The following SPTAN1 variants were observed in gnomAD, a reference collection of about 807,000 sequenced individuals.
SPTAN1 encodes the protein spectrin alpha, non-erythrocytic 1, also known as spectrin alpha chain, non-erythrocytic 1.
SPTAN1 carries 61 observed loss-of-function variants against 331.3 expected under a neutral mutation model. The observed-to-expected ratio is 0.18, with a 90% confidence interval of 0.15 to 0.23. SPTAN1 has a LOEUF of 0.23. Among genes scored for constraint, SPTAN1 ranks in the 10% least tolerant of loss-of-function variants. The probability of loss-of-function intolerance (pLI) is 1.00; values close to 1 mark genes in which losing one functional copy is unlikely to be tolerated. For synonymous variants in SPTAN1, 1,153 were observed against 1,173.9 expected (o/e 0.98, Z 0.36); for missense variants, 2,043 against 3,147.9 (o/e 0.65, Z 8.40).
chr9:128,630,051 G>A, intron 51 of SPTAN1: 1 of 617,026 alleles, frequency 1.6e-6, no homozygotes, highest in Non-Finnish European at 3.0e-6. Context: ...CTCCATTCCT[G>A]AGTCATCCTG....
At chr9:128,555,355 C>G in intron 1 of SPTAN1, 2 of 1,289,498 alleles carry the variant, frequency 1.6e-6, no homozygotes, top group Non-Finnish European at 2.0e-6. Flanking sequence ...TTAGACTCCA[C>G]ATTCCTCCAT....
intron 52 of SPTAN1, chr9:128,630,663 T>A (rs7852794): frequency 7.3e-6 from 3 of 409,432 alleles, no homozygotes; most frequent in Non-Finnish European, 4.6e-6. Flanking sequence ...CAAATAGCTG[T>A]ACTACAGATG....
At chr9:128,557,799 CTTTTTTTT>C (rs72214808) in intron 1 of SPTAN1, among the ~76,000 whole-genome samples, 1 of 85,006 alleles carries the variant, frequency 1.2e-5, no homozygotes, top group African/African-American at 4.5e-5. Flanking sequence ...TTAGAAATTT[CTTTTTTTT>C]TTTTTTTTTT....
chr9:128,614,360 G>T (rs1589337097), intron 40 of SPTAN1, among the ~76,000 whole-genome samples: 1 of 152,264 alleles, frequency 6.6e-6, no homozygotes, highest in East Asian at 1.9e-4. Flanking sequence ...GGGAGGCCGA[G>T]GCGGGTGGAT....
Position 128,566,887 on chromosome 9 carries a change from T to A in SPTAN1, c.147T>A (p.Phe49Leu). The change falls in exon 2 of 57, where the codon TTT (phenylalanine) becomes TTA (leucine). Residue 49 changes from phenylalanine to leucine, a missense_variant. Physicochemically the swap from Phe to Leu is conservative, Grantham distance 22. This residue lies in a region of SPTAN1 where 1,038 missense variants were observed against 1,531.5 expected (regional missense o/e 0.68). Transcript: ENST00000372739. Reference protein sequence around the residue: ...KLEDSYRFQFFQRDAEELEKW... With the variant: ...KLEDSYRFQFLQRDAEELEKW... ...AAGATTCCTATCGATTCCAGTTCTT[T>A]CAAAGAGATGCTGAAGAGCTGGAGA... The A allele has an allele frequency of 6.2e-7, 1 of 1,614,204 alleles. No homozygotes were observed. Among genetic ancestry groups the A allele is most frequent in the Non-Finnish European group, 8.5e-7 (1 of 1,180,034 alleles).
chr9:128,632,120 C>T lies in SPTAN1; in HGVS notation c.6763-7C>T, dbSNP rs587784439. On this transcript the variant is annotated splice_region_variant and splice_polypyrimidine_tract_variant and intron_variant, in intron 52 of 56. Transcript: ENST00000372739. ...CGTCTGAGCATCTGTGCTCCCCACCCCTGCAGCGCAAGCACCAGGAAATCC... is the reference window on the plus strand; with the variant it reads ...CGTCTGAGCATCTGTGCTCCCCACCTCTGCAGCGCAAGCACCAGGAAATCC... 5 of 1,612,780 alleles carry T rather than the reference C, an allele frequency of 3.1e-6. No homozygotes were observed. Among genetic ancestry groups the T allele is most frequent in the Non-Finnish European group, 4.2e-6 (5 of 1,179,896 alleles).
chr9:128,574,849 A>G (rs1292013080), intron 4 of SPTAN1, 34 bp downstream of exon 4: 2 of 1,613,826 alleles, frequency 1.2e-6, no homozygotes, highest in South Asian at 2.2e-5. Flanking sequence ...GCTAAGCTTT[A>G]CTCAAAGAAA....
chr9:128,581,996 G>T (rs1852005437), intron 12 of SPTAN1, 104 bp downstream of exon 12: 2 of 869,282 alleles, frequency 2.3e-6, no homozygotes, highest in Admixed American at 3.6e-5. Flanking sequence ...TTCATATGCA[G>T]AGTACTCCTG....
chr9:128,611,862 C>T lies in SPTAN1; in HGVS notation c.4905+17C>T, dbSNP rs1856604874. ...GCTGTCAAGGTATGGCCCACCAGCT[C>T]CCGGTGCCCAGGGAGGAAGATGACC... On this transcript the variant is annotated intron_variant, in intron 38 of 56. Transcript: ENST00000372739. 1 of 1,614,114 alleles carries T rather than the reference C, an allele frequency of 6.2e-7. No homozygotes were observed. The highest frequency in any genetic ancestry group is 1.7e-5 in the Admixed American group (1 of 60,022).
chr9:128,569,637 T>C (rs973218693), intron 3 of SPTAN1, among the ~76,000 whole-genome samples: 5 of 152,010 alleles, frequency 3.3e-5, no homozygotes, highest in African/African-American at 1.2e-4. Context: ...GTGTTCTCTT[T>C]GGTTCTTTGT....
chr9:128,577,982 T>C lies in SPTAN1; in HGVS notation c.1086-128T>C. ...CAGTCTAGATTGGGAAATTTTCATA[T>C]TTCCCAGAATTAGAATTTATATAGT... is the stretch of plus-strand genomic sequence containing the variant. On this transcript the variant is annotated intron_variant, in intron 8 of 56. Coordinates refer to ENST00000372739, the MANE Select transcript of SPTAN1 (RefSeq NM_001130438.3). This position sits in a 1 kb window ranked among gnomAD's most constrained non-coding sequence, Gnocchi z 4.2. 8.3e-7 allele frequency: 1 copy of C among 1,199,208 alleles called. No individual in the cohort carries two copies. The highest frequency in any genetic ancestry group is 1.2e-6 in the Non-Finnish European group (1 of 818,166). The allele number at this position is 1,199,208 out of a possible 1,614,324, so 74.3% of individuals were successfully genotyped here.
In SPTAN1 at chr9:128,571,165, C is replaced by A. The variant is rs142561856; in HGVS notation, c.363+2268C>A. Among the ~76,000 whole-genome samples the A allele has an allele frequency of 3.3e-3, 504 of 152,168 alleles. 2 individuals carry two copies. Among genetic ancestry groups the A allele is most frequent in the African/African-American group, 0.012 (487 of 41,504 alleles). ...ATTAGTGGGGCGTGGTGGTGCACAC[C>A]TGTAGCCCCAGCTACTGGGGAGGCT... is the stretch of plus-strand genomic sequence containing the variant. On this transcript the variant is annotated intron_variant, in intron 3 of 56. Coordinates refer to ENST00000372739, the MANE Select transcript of SPTAN1 (RefSeq NM_001130438.3).
chr9:128,598,271 C>T, intron 24 of SPTAN1, 129 bp from the exon 25 acceptor site: 2 of 732,032 alleles, frequency 2.7e-6, no homozygotes, highest in Non-Finnish European at 4.6e-6. Context: ...TTTTAATCCC[C>T]CCCTTTTTTT....
chr9:128,563,024 A>ATATATATATATG (rs1564188712), intron 1 of SPTAN1, among the ~76,000 whole-genome samples: 6 of 140,602 alleles, frequency 4.3e-5, no homozygotes, highest in African/African-American at 1.4e-4. Flanking sequence ...ATATATATAT[A>ATATATATATATG]TATGTATATA....
rs765075763 is a variant in SPTAN1, at chr9:128,591,565, G to A, written c.3095G>A (p.Arg1032Gln). ...TTGGACCCCGCCCAGTCAGCCTCCC[G>A]GGAGAATCTCCTGGAGGAGCAAGGC... Reference protein sequence around the residue: ...KKLDPAQSASRENLLEEQGSI... With the variant: ...KKLDPAQSASQENLLEEQGSI... The change falls in exon 22 of 57, where the codon CGG becomes CAG. Residue 1032 changes from arginine (R) to glutamine (Q), a missense_variant. By Grantham distance (43) the Arg-to-Gln change is conservative. Coordinates refer to ENST00000372739, the MANE Select transcript of SPTAN1 (RefSeq NM_001130438.3). The A allele has an allele frequency of 1.1e-5, 17 of 1,614,174 alleles. No homozygotes were observed. The highest frequency in any genetic ancestry group is 1.7e-5 in the Admixed American group (1 of 60,022).
intron 39 of SPTAN1, 66 bp from the exon 40 acceptor site, chr9:128,613,315 T>C: frequency 7.1e-7 from 1 of 1,416,570 alleles, no homozygotes; most frequent in Non-Finnish European, 1.0e-6. Context: ...CTGGGCAACC[T>C]GAATTTTCCA....
intron 5 of SPTAN1, among the ~76,000 whole-genome samples, chr9:128,575,748 T>G (rs1851229694): frequency 6.6e-6 from 1 of 152,104 alleles, no homozygotes; most frequent in Non-Finnish European, 1.5e-5. Context: ...TTCCCTGGGC[T>G]CTCTTGGGAG....
intron 21 of SPTAN1, among the ~76,000 whole-genome samples, chr9:128,589,823 C>CT (rs1853229908): frequency 6.6e-6 from 1 of 152,108 alleles, no homozygotes; most frequent in African/African-American, 2.4e-5. Context: ...GATCCACCCG[C>CT]CTCAGCCTCC....
chr9:128,584,168 G>A (rs1206832411), intron 16 of SPTAN1, 114 bp from the exon 17 acceptor site: 5 of 1,547,586 alleles, frequency 3.2e-6, no homozygotes, highest in Non-Finnish European at 3.5e-6. Flanking sequence ...GATGAAGGAA[G>A]GAGATAGCAG....
Sources: gnomAD v4.1 joint callset for allele counts (sites outside exome capture counted in the v4.1 genomes callset) on GRCh38, gnomAD v4.1.1 for gene constraint, gnomAD v4.1.1 regional missense constraint, Gnocchi (gnomAD v3.1) non-coding constraint, MANE v1.5 for transcripts, NCBI Gene and HGNC (gene_info 2026-07-23, HGNC 2026-07-21) for gene names.